SNRK: variants seen among roughly 807,000 people sequenced by gnomAD.
SNRK encodes the protein SNF related kinase.
Under a neutral mutation model 48.2 loss-of-function variants are expected in SNRK, and 3 were observed. The observed-to-expected ratio is 0.06, with a 90% CI of 0.03 to 0.16. The LOEUF (loss-of-function observed/expected upper bound fraction) is 0.16, where lower values mean the gene tolerates loss of function less well. Among genes scored for constraint, SNRK ranks in the 10% least tolerant of loss-of-function variants. The pLI, the probability that SNRK is intolerant of heterozygous loss-of-function variation, is 1.00. For synonymous variants in SNRK, 376 were observed against 366.1 expected, an observed-to-expected ratio of 1.03 and a Z score of -0.31; for missense variants, 627 against 976.0, an observed-to-expected ratio of 0.64 and a Z score of 4.76.
chr3:43,346,668 A>AGG (rs959389522), intron 6 of SNRK, among the ~76,000 whole-genome samples: 38 of 152,318 alleles, frequency 2.5e-4, no homozygotes, highest in Admixed American at 1.2e-3. Context: ...TTGATATCCC[A>AGG]GGGGGTCAAG....
At position 43,332,231 on chromosome 3, in the gene SNRK, G is replaced by A. The variant is rs539932047; in HGVS notation, c.652G>A (p.Ala218Thr). 1.2e-6 allele frequency: 2 copies of A among 1,601,910 alleles called. No homozygotes were observed. Among genetic ancestry groups the A allele is most frequent in the Non-Finnish European group, 1.7e-6 (2 of 1,174,184 alleles). Reference sequence around the variant, plus strand: ...GTGTGGGCAGCCGCCCTTTCAAGAAGCCAATGACAGTGAAACACTGACAAT... The same window carrying A: ...GTGTGGGCAGCCGCCCTTTCAAGAAACCAATGACAGTGAAACACTGACAAT... Reference protein sequence around the residue: ...LVCGQPPFQEANDSETLTMIM... With the variant: ...LVCGQPPFQETNDSETLTMIM... Residue 218 changes from alanine (A) to threonine (T), a missense_variant, in exon 4 of 7, where the codon GCC becomes ACC. By Grantham distance (58) the Ala-to-Thr change is moderately conservative (BLOSUM62 0). Coordinates refer to ENST00000296088, the MANE Select transcript of SNRK (RefSeq NM_017719.5).
Position 43,348,541 on chromosome 3 carries a change from G to T in SNRK, c.2282G>T (p.Cys761Phe), listed in dbSNP as rs758115013. Residue 761 changes from cysteine to phenylalanine, a missense_variant, in exon 7 of 7, where the codon TGT (cysteine) becomes TTT (phenylalanine). By Grantham distance (205) the Cys-to-Phe change is radical. Around this residue, in one of 4 missense-constraint regions of SNRK, gnomAD observed 207 missense variants for 234.3 expected, o/e 0.88. Transcript: ENST00000296088. Reference sequence around the variant, plus strand: ...CTGTGCGCATCCAGCCCAGCCAGCTGTTGCCATGTCATCTGACTGTGGCCC... The same window carrying T: ...CTGTGCGCATCCAGCCCAGCCAGCTTTTGCCATGTCATCTGACTGTGGCCC... The part of the protein sequence containing the change: ...GLLCASSPAS[C>F]CHVI 1 of 1,538,576 alleles carries T rather than the reference G, an allele frequency of 6.5e-7. No homozygotes were observed. Among genetic ancestry groups the T allele is most frequent in the Non-Finnish European group, 8.7e-7 (1 of 1,146,140 alleles).
rs184228728 is a variant in SNRK at position 43,324,603 on chromosome 3, G to C, written c.590-7566G>C. 2.8e-3 allele frequency among the ~76,000 whole-genome samples: 429 copies of C among 152,118 alleles called. 4 individuals carry two copies. Among genetic ancestry groups the C allele is most frequent in the African/African-American group, 9.8e-3 (405 of 41,478 alleles). On this transcript the variant is annotated intron_variant, in intron 3 of 6. Transcript: ENST00000296088. ...GTAAGTGTTAATTTGAAAAACAGGAGATGTGTGGTTATATTTGAGAGAACT... is the reference window on the plus strand; with the variant it reads ...GTAAGTGTTAATTTGAAAAACAGGACATGTGTGGTTATATTTGAGAGAACT...
In SNRK at chr3:43,340,494, T is replaced by C; in HGVS notation, c.939T>C (p.Ile313=). Residue 313 remains isoleucine (I), a synonymous_variant, in exon 5 of 7, where the codon ATT becomes ATC. Transcript: ENST00000296088. The part of the protein sequence containing the change: ...VLGDIADRDA[I]VEALETNRYN... ...GGGACATAGCGGATCGAGACGCCAT[T>C]GTAGAGTACGTCAATGCCCGTCAGT... 6.2e-7 allele frequency: 1 copy of C among 1,614,050 alleles called. No homozygotes were observed. The highest frequency in any genetic ancestry group is 8.5e-7 in the Non-Finnish European group (1 of 1,179,984).
intron 3 of SNRK, among the ~76,000 whole-genome samples, chr3:43,330,843 C>T (rs988868971): frequency 6.6e-6 from 1 of 152,142 alleles, no homozygotes; most frequent in Admixed American, 6.5e-5. Flanking sequence ...TCTTCAATTA[C>T]GTAAATGTTT....
rs2090912108 is a variant in SNRK at position 43,303,302 on chromosome 3, C to T, written c.99C>T (p.Ala33=). ...GRGHFAVVKL[A]RHVFTGEKVA... ...GCCATTTTGCCGTGGTTAAACTTGCCAGGCATGTCTTTACGGGTGAAAAGG... is the reference window on the plus strand; with the variant it reads ...GCCATTTTGCCGTGGTTAAACTTGCTAGGCATGTCTTTACGGGTGAAAAGG... Residue 33 remains alanine, a synonymous_variant, in exon 3 of 7, where the codon GCC becomes GCT. Coordinates refer to ENST00000296088, the MANE Select transcript of SNRK (RefSeq NM_017719.5). This position sits in a 1 kb window ranked among gnomAD's most constrained non-coding sequence, Gnocchi z 6.2. The T allele has an allele frequency of 6.2e-7, 1 of 1,613,966 alleles. No homozygotes were observed. Among genetic ancestry groups the T allele is most frequent in the Admixed American group, 1.7e-5 (1 of 60,004 alleles).
At chr3:43,331,212 A>G (rs1404121777) in intron 3 of SNRK, among the ~76,000 whole-genome samples, 1 of 152,166 alleles carries the variant, frequency 6.6e-6, no homozygotes, top group East Asian at 1.9e-4. Flanking sequence ...TTATATTATC[A>G]TGCCTGTTCT....
intron 1 of SNRK, among the ~76,000 whole-genome samples, chr3:43,291,568 TCTA>T (rs2090812840): frequency 6.6e-6 from 1 of 152,250 alleles, no homozygotes; most frequent in South Asian, 2.1e-4. Flanking sequence ...TGATTTGTAT[TCTA>T]CTCACACCCT....
chr3:43,339,846 T>C (rs2091220796), intron 4 of SNRK, among the ~76,000 whole-genome samples: 1 of 75,340 alleles, frequency 1.3e-5, no homozygotes, highest in Non-Finnish European at 2.4e-5. Flanking sequence ...TATATATATA[T>C]ATATATATAT....
intron 6 of SNRK, among the ~76,000 whole-genome samples, chr3:43,345,265 C>T (rs1258829022): frequency 6.6e-6 from 1 of 152,110 alleles, no homozygotes; most frequent in East Asian, 1.9e-4. Flanking sequence ...GTCACTGTAA[C>T]GTTATCGACA....
At chr3:43,344,459 ATAT>A (rs1227470766) in intron 6 of SNRK, among the ~76,000 whole-genome samples, 2 of 152,130 alleles carry the variant, frequency 1.3e-5, no homozygotes, top group Non-Finnish European at 2.9e-5. Flanking sequence ...GTGAATAATA[ATAT>A]TATGATTGTA....
Position 43,348,813 on chromosome 3 carries a change from CAA to C in SNRK, c.*257_*258del, listed in dbSNP as rs1389693648. 10 of 352,030 alleles carry C rather than the reference CAA, an allele frequency of 2.8e-5. No individual in the cohort carries two copies. Among genetic ancestry groups the C allele is most frequent in the Non-Finnish European group, 5.1e-5 (10 of 196,596 alleles). 21.8% of individuals were successfully genotyped at this position (352,030 alleles called of 1,614,324 possible). A position where few individuals can be genotyped will look rare whatever the true frequency, so the allele number is the denominator to read the frequency against. ...TTAATGTGGATGATCAGGATTAAAT[CAA>C]GATATATATCTGGAACCTCTTATAA... On this transcript the variant is annotated 3_prime_UTR_variant, in exon 7 of 7. Coordinates refer to ENST00000296088, the MANE Select transcript of SNRK (RefSeq NM_017719.5).
intron 3 of SNRK, among the ~76,000 whole-genome samples, chr3:43,331,689 T>C (rs1412374903): frequency 6.6e-6 from 1 of 152,228 alleles, no homozygotes. Context: ...TGAGCTTTAA[T>C]TTTCTTGCGT....
chr3:43,301,286 C>G (rs1575534244), intron 2 of SNRK, among the ~76,000 whole-genome samples: 1 of 152,158 alleles, frequency 6.6e-6, no homozygotes, highest in East Asian at 1.9e-4. Context: ...TGACTTTATG[C>G]TTCTTTTATA....
At chr3:43,318,169 C>T (rs1023569028) in intron 3 of SNRK, among the ~76,000 whole-genome samples, 2 of 152,130 alleles carry the variant, frequency 1.3e-5, no homozygotes, top group Non-Finnish European at 2.9e-5. Context: ...AATTTGTCCT[C>T]GGGAATTTCT....
At chr3:43,325,822 G>C (rs1401133502) in intron 3 of SNRK, among the ~76,000 whole-genome samples, 2 of 152,098 alleles carry the variant, frequency 1.3e-5, no homozygotes, top group South Asian at 2.1e-4. Flanking sequence ...TCCCCCCTTG[G>C]ATGAGTATCC....
At chr3:43,341,019 G>C (rs1026736062) in intron 5 of SNRK, among the ~76,000 whole-genome samples, 9 of 151,682 alleles carry the variant, frequency 5.9e-5, no homozygotes, top group African/African-American at 2.2e-4. Flanking sequence ...TTGTGGGAGA[G>C]ACCACTTGGC....
At chr3:43,286,955 T>G (rs2090769596) in intron 1 of SNRK, among the ~76,000 whole-genome samples, 1 of 139,710 alleles carries the variant, frequency 7.2e-6, no homozygotes. Flanking sequence ...GCGGCCGCGG[T>G]CGCCTGGAGG....
At position 43,303,887 on chromosome 3, in the gene SNRK, T is replaced by C; in HGVS notation, c.589+95T>C. 1.1e-6 allele frequency: 1 copy of C among 947,520 alleles called. No homozygotes were observed. The highest frequency in any genetic ancestry group is 2.4e-5 in the East Asian group (1 of 41,242). 58.7% of individuals were successfully genotyped at this position (947,520 alleles called of 1,614,324 possible). A position where few individuals can be genotyped will look rare whatever the true frequency, so the allele number is the denominator to read the frequency against. On this transcript the variant is annotated intron_variant, in intron 3 of 6. Coordinates refer to ENST00000296088, the MANE Select transcript of SNRK (RefSeq NM_017719.5). The surrounding 1 kb of genome is among the most constrained non-coding windows in gnomAD (Gnocchi z 6.2). ...ATCTAAAAATGATTTCTAGAGAATTTCTGTTAAATTGGCCTTAACTAGCAA... is the reference window on the plus strand; with the variant it reads ...ATCTAAAAATGATTTCTAGAGAATTCCTGTTAAATTGGCCTTAACTAGCAA...
Sources: allele counts gnomAD v4.1 joint callset (sites outside exome capture counted in the v4.1 genomes callset), GRCh38; gene constraint gnomAD v4.1.1; regional missense constraint gnomAD v4.1.1; non-coding constraint Gnocchi (gnomAD v3.1); transcripts MANE v1.5; gene names NCBI Gene and HGNC (gene_info 2026-07-23, HGNC 2026-07-21).